Variants in TERF2 observed in about 807,000 individuals in gnomAD.
The protein encoded by TERF2 is telomeric repeat-binding factor 2.
Under a neutral mutation model 56.1 loss-of-function variants are expected in TERF2, and 16 were observed. The observed-to-expected ratio is 0.29, with a 90% CI of 0.19 to 0.43. The LOEUF (loss-of-function observed/expected upper bound fraction) is 0.43. Ranked by LOEUF, TERF2 falls within the 20% of genes least tolerant of loss-of-function variation. TERF2 has a pLI of 1.00. For missense variants in TERF2, 547 were observed against 712.9 expected (o/e 0.77, Z 2.65); for synonymous variants, 296 against 282.1 (o/e 1.05, Z -0.50).
intron 7 of TERF2, among the ~76,000 whole-genome samples, chr16:69,363,596 G>A (rs2013226674): frequency 6.6e-6 from 1 of 152,178 alleles, no homozygotes; most frequent in African/African-American, 2.4e-5. Flanking sequence ...GCAAGCTACA[G>A]TCTGGCTGCT....
chr16:69,374,482 C>T (rs1424406737), intron 3 of TERF2, among the ~76,000 whole-genome samples: 2 of 151,392 alleles, frequency 1.3e-5, no homozygotes, highest in Non-Finnish European at 2.9e-5. Context: ...AGTAGCCAGG[C>T]ATGGTGGCGT....
At chr16:69,374,264 C>T (rs188700236) in intron 3 of TERF2, among the ~76,000 whole-genome samples, 39 of 152,142 alleles carry the variant, frequency 2.6e-4, no homozygotes, top group Non-Finnish European at 5.3e-4. Flanking sequence ...TTTTAACACA[C>T]GTAGACTCCT....
chr16:69,361,524 C>T, intron 7 of TERF2, 35 bp from the exon 8 acceptor site: 1 of 1,442,734 alleles, frequency 6.9e-7, no homozygotes, highest in Non-Finnish European at 9.8e-7. Flanking sequence ...AGGTATAAAA[C>T]AAATTCACCC....
intron 5 of TERF2, 156 bp from the exon 6 acceptor site, chr16:69,368,638 A>G: frequency 1.3e-6 from 2 of 1,525,924 alleles, no homozygotes; most frequent in Non-Finnish European, 1.8e-6. Flanking sequence ...AGAACTTGTA[A>G]GACTTATAAA....
intron 3 of TERF2, among the ~76,000 whole-genome samples, chr16:69,378,781 A>C (rs753561016): frequency 1.3e-5 from 2 of 152,226 alleles, no homozygotes; most frequent in Non-Finnish European, 2.9e-5. Context: ...AGGGAGAGAC[A>C]GAAGAGAGTA....
At chr16:69,358,916 T>C (rs1051163102) in intron 8 of TERF2, among the ~76,000 whole-genome samples, 2 of 152,244 alleles carry the variant, frequency 1.3e-5, no homozygotes, top group African/African-American at 4.8e-5. Context: ...CTACGATATA[T>C]GGTGTAGCCT....
chr16:69,368,462 T>C lies in TERF2; in HGVS notation c.861A>G (p.Lys287=). The change falls in exon 6 of 10, where the codon AAA becomes AAG. Residue 287 remains lysine (K), a synonymous_variant. Transcript: ENST00000254942. The part of the protein sequence containing the change: ...YLLTMAKKAL[K]SESAASSTGK... ...CTGTACTTGAGGCAGCGGACTCAGA[T>C]TTCAAAGCCTTTTTGGCCATCTGGG... 1.9e-6 allele frequency: 3 copies of C among 1,614,152 alleles called. No individual in the cohort carries two copies. The highest frequency in any genetic ancestry group is 2.5e-6 in the Non-Finnish European group (3 of 1,180,014).
chr16:69,378,395 C>T (rs1353751441), intron 3 of TERF2, among the ~76,000 whole-genome samples: 1 of 152,190 alleles, frequency 6.6e-6, no homozygotes, highest in Non-Finnish European at 1.5e-5. Flanking sequence ...CCTGTTGCCA[C>T]CGTCATTGCT....
chr16:69,367,346 T>TC, intron 6 of TERF2, 147 bp from the exon 7 acceptor site: 2 of 887,168 alleles, frequency 2.3e-6, no homozygotes. Flanking sequence ...AATTTAAAAC[T>TC]CCAAGTTAGA....
Position 69,377,186 on chromosome 16 carries a change from G to C in TERF2, c.607-4831C>G, listed in dbSNP as rs565156041. 6.4e-3 allele frequency among the ~76,000 whole-genome samples: 943 copies of C among 147,098 alleles called. 8 individuals are homozygous for C. Among genetic ancestry groups the C allele is most frequent in the African/African-American group, 0.023 (912 of 39,940 alleles). On this transcript the variant is annotated intron_variant, in intron 3 of 9. Transcript: ENST00000254942. ...CCACTGCACTCCAGCCTGGGCAACA[G>C]AGCAAGACTCCATCTCAAAAAAAAA...
chr16:69,377,842 ATT>A (rs201472154), intron 3 of TERF2, among the ~76,000 whole-genome samples: 1 of 147,044 alleles, frequency 6.8e-6, no homozygotes. Context: ...AACTTACAGG[ATT>A]TTTTTTTTTG....
chr16:69,359,355 C>T (rs995501489), intron 8 of TERF2, among the ~76,000 whole-genome samples: 5 of 151,912 alleles, frequency 3.3e-5, no homozygotes, highest in African/African-American at 1.2e-4. Flanking sequence ...TGGCAAAACT[C>T]CTTCTCTACT....
At chr16:69,368,351 A>G in intron 6 of TERF2, 25 bp downstream of exon 6, 1 of 1,610,224 alleles carries the variant, frequency 6.2e-7, no homozygotes, top group Non-Finnish European at 8.5e-7. Flanking sequence ...GTTTTACCCA[A>G]GATCACAAGA....
rs1055170319 is a variant in TERF2 at position 69,368,634 on chromosome 16, T to A, written c.841-152A>T. On this transcript the variant is annotated intron_variant, in intron 5 of 9. Transcript: ENST00000254942. Reference sequence around the variant, plus strand: ...GAAGGACATAAAATGGGAGAGAACTTGTAAGACTTATAAATCAAGCTTTTT... The same window carrying A: ...GAAGGACATAAAATGGGAGAGAACTAGTAAGACTTATAAATCAAGCTTTTT... The A allele has an allele frequency of 2.6e-6, 4 of 1,529,066 alleles. No individual in the cohort carries two copies. The African/African-American group carries it at 5.5e-5, about 21-fold the overall frequency. 94.7% of individuals were successfully genotyped at this position (1,529,066 alleles called of 1,614,324 possible).
chr16:69,371,512 A>AG (rs1487634743), intron 4 of TERF2, among the ~76,000 whole-genome samples: 1 of 150,450 alleles, frequency 6.6e-6, no homozygotes, highest in Non-Finnish European at 1.5e-5. Context: ...AAAAAAAAAA[A>AG]AAAAAAAAAG....
intron 4 of TERF2, among the ~76,000 whole-genome samples, chr16:69,371,265 G>A (rs560185395): frequency 6.6e-6 from 1 of 151,972 alleles, no homozygotes; most frequent in South Asian, 2.1e-4. Context: ...TTGGGAGGTC[G>A]AGGCGGGCGG....
At chr16:69,362,313 A>G (rs2013174833) in intron 7 of TERF2, among the ~76,000 whole-genome samples, 2 of 151,762 alleles carry the variant, frequency 1.3e-5, no homozygotes, top group South Asian at 4.2e-4. Flanking sequence ...TCCTCTAACT[A>G]CCAACCACAA....
chr16:69,365,843 AAG>A (rs2013323893), intron 7 of TERF2: 3 of 152,242 alleles, frequency 2.0e-5, no homozygotes, highest in African/African-American at 7.2e-5. Flanking sequence ...GGAGAATTGT[AAG>A]AGAGGCAACT....
At chr16:69,368,098 A>G (rs1180414344) in intron 6 of TERF2, among the ~76,000 whole-genome samples, 1 of 152,218 alleles carries the variant, frequency 6.6e-6, no homozygotes, top group South Asian at 2.1e-4. Context: ...TTAGGTGTCC[A>G]CAAGAAAAGT....
Sources: allele counts gnomAD v4.1 joint callset (sites outside exome capture counted in the v4.1 genomes callset), GRCh38; gene constraint gnomAD v4.1.1; transcripts MANE v1.5; gene names NCBI Gene and HGNC (gene_info 2026-07-23, HGNC 2026-07-21).